RAB3GAP2: variants seen among roughly 807,000 people sequenced by gnomAD.
The protein encoded by RAB3GAP2 is rab3 GTPase-activating protein non-catalytic subunit.
Under a neutral mutation model 185.3 loss-of-function variants are expected in RAB3GAP2, and 87 were observed. That is an observed-to-expected ratio of 0.47 (90% CI 0.39 to 0.56). The LOEUF (loss-of-function observed/expected upper bound fraction) is 0.56, where lower values mean the gene tolerates loss of function less well. Among genes scored for constraint, RAB3GAP2 ranks in the 20% least tolerant of loss-of-function variants. The pLI is 0.00. For missense variants in RAB3GAP2, 1,492 were observed against 1,638.2 expected (o/e 0.91, Z 1.54); for synonymous variants, 554 against 576.1 (o/e 0.96, Z 0.55).
chr1:220,157,693 G>T (rs1657884087), intron 30 of RAB3GAP2, 109 bp downstream of exon 30: 2 of 1,127,882 alleles, frequency 1.8e-6, no homozygotes, highest in South Asian at 1.4e-5. Context: ...ATTTAGAAAT[G>T]AATGAATGAA....
At chr1:220,253,642 C>T in intron 1 of RAB3GAP2, 2 of 1,590,284 alleles carry the variant, frequency 1.3e-6, no homozygotes, top group Non-Finnish European at 1.7e-6. Context: ...TGGGCCTCTT[C>T]TTTATGAAGC....
At chr1:220,219,957 G>A (rs1659273824) in intron 2 of RAB3GAP2, among the ~76,000 whole-genome samples, 2 of 152,132 alleles carry the variant, frequency 1.3e-5, no homozygotes, top group South Asian at 4.1e-4. Context: ...GTGTCATAAG[G>A]GCATTTGCCT....
chr1:220,189,788 A>C, intron 16 of RAB3GAP2, 21 bp from the exon 17 acceptor site: 1 of 1,442,662 alleles, frequency 6.9e-7, no homozygotes, highest in African/African-American at 1.4e-5. Flanking sequence ...AAAAATAATC[A>C]AAGTAAAATT....
Position 220,212,872 on chromosome 1 carries a change from T to G in RAB3GAP2, c.386+15A>C. The G allele has an allele frequency of 6.2e-7, 1 of 1,600,520 alleles. No individual in the cohort carries two copies. The highest frequency in any genetic ancestry group is 8.6e-7 in the Non-Finnish European group (1 of 1,167,804). On this transcript the variant is annotated intron_variant, in intron 4 of 34. Transcript: ENST00000358951. The stretch of plus-strand genomic sequence containing the variant: ...CATGTAACACACAGAGAAACAAAAA[T>G]TAACTGGCACCTACCCTTCTTCGAC...
intron 8 of RAB3GAP2, among the ~76,000 whole-genome samples, 185 bp from the exon 9 acceptor site, chr1:220,202,559 T>G (rs1357395722): frequency 1.3e-5 from 2 of 152,134 alleles, no homozygotes; most frequent in Non-Finnish European, 1.5e-5. Flanking sequence ...TGCAAACATT[T>G]AAAAGACTAA....
At chr1:220,212,732 A>T (rs1301733903) in intron 4 of RAB3GAP2, among the ~76,000 whole-genome samples, 155 bp downstream of exon 4, 1 of 152,162 alleles carries the variant, frequency 6.6e-6, no homozygotes, top group Non-Finnish European at 1.5e-5. Context: ...GGCTCAAATG[A>T]TCTTCCTGCC....
intron 1 of RAB3GAP2, among the ~76,000 whole-genome samples, chr1:220,256,663 T>C (rs1009955879): frequency 1.5e-4 from 23 of 152,296 alleles, no homozygotes; most frequent in African/African-American, 4.6e-4. Context: ...AGAAGGGCAT[T>C]ACATAATGGT....
At chr1:220,162,734 C>T (rs1010113230) in intron 27 of RAB3GAP2, among the ~76,000 whole-genome samples, 5 of 152,150 alleles carry the variant, frequency 3.3e-5, no homozygotes, top group East Asian at 1.9e-4. Flanking sequence ...CTCTATCACC[C>T]GACAATTCTG....
At chr1:220,216,899 A>C (rs1195092476) in intron 2 of RAB3GAP2, among the ~76,000 whole-genome samples, 2 of 151,650 alleles carry the variant, frequency 1.3e-5, no homozygotes, top group South Asian at 2.1e-4. Context: ...TTTTTTTTTC[A>C]ATAAAGAATA....
At chr1:220,177,167 T>G (rs980295678) in intron 21 of RAB3GAP2, among the ~76,000 whole-genome samples, 1 of 152,152 alleles carries the variant, frequency 6.6e-6, no homozygotes, top group Non-Finnish European at 1.5e-5. Context: ...CTCAGTACCC[T>G]CCTTGGGTCT....
intron 8 of RAB3GAP2, among the ~76,000 whole-genome samples, chr1:220,204,490 AT>A (rs1470097919): frequency 1.3e-5 from 2 of 152,100 alleles, no homozygotes. Context: ...CAGCCATTTA[AT>A]TTTTCACCAA....
chr1:220,182,465 G>T, intron 20 of RAB3GAP2, 111 bp from the exon 21 acceptor site: 9 of 1,146,970 alleles, frequency 7.8e-6, no homozygotes, highest in Admixed American at 7.0e-5. Context: ...TATGAAGGAA[G>T]AGAAATTAAT....
Position 220,151,640 on chromosome 1 carries a change from A to C in RAB3GAP2, c.3992T>G (p.Leu1331Arg). The part of the protein sequence containing the change: ...TKEGMELLAR[L>R]PPTLCTWLKA... ...CAGCCAAGTACACAGTGTGGGTGGA[A>C]GTCTGGCAAGCAGCTCCATTCCTTC... Residue 1331 changes from leucine (L) to arginine (R), a missense_variant, in exon 34 of 35, where the codon CTT becomes CGT. Physicochemically the swap from Leu to Arg is moderately radical, Grantham distance 102. Transcript: ENST00000358951. 1.9e-6 allele frequency: 3 copies of C among 1,612,342 alleles called. No homozygotes were observed. Among genetic ancestry groups the C allele is most frequent in the Non-Finnish European group, 2.5e-6 (3 of 1,178,352 alleles).
At chr1:220,252,007 C>T (rs1659941265) in intron 1 of RAB3GAP2, among the ~76,000 whole-genome samples, 1 of 151,868 alleles carries the variant, frequency 6.6e-6, no homozygotes, top group South Asian at 2.1e-4. Context: ...GAAAAAGTAG[C>T]TGGACATGGT....
chr1:220,194,998 C>T, intron 12 of RAB3GAP2, 80 bp downstream of exon 12: 1 of 1,377,006 alleles, frequency 7.3e-7, no homozygotes, highest in Non-Finnish European at 1.0e-6. Flanking sequence ...ATCAGCAAAT[C>T]AACCAAGCAC....
intron 21 of RAB3GAP2, among the ~76,000 whole-genome samples, chr1:220,181,629 T>C (rs1283453935): frequency 6.6e-6 from 1 of 152,196 alleles, no homozygotes; most frequent in African/African-American, 2.4e-5. Flanking sequence ...GTTTTTAAGA[T>C]ATTTTTCATT....
At position 220,151,730 on chromosome 1, in the gene RAB3GAP2, G is replaced by A. The variant is rs1162842669; in HGVS notation, c.3902C>T (p.Ala1301Val). ...CCCCGTGAGCACCAGCAGCTGAGAG[G>A]CAAGGACCTCTTTGTCATGAACCTG... ...ILQVHDKEVLASQLLVLTGQR... is the reference protein window; with the variant it reads ...ILQVHDKEVLVSQLLVLTGQR... Residue 1301 changes from alanine (A) to valine (V), a missense_variant, in exon 34 of 35, where the codon GCC (alanine) becomes GTC (valine). Physicochemically the swap from Ala to Val is moderately conservative, Grantham distance 64. This residue lies in a region of RAB3GAP2 where 387 missense variants were observed against 455.3 expected (regional missense o/e 0.85). Transcript: ENST00000358951. 1 of 1,611,866 alleles carries A rather than the reference G, an allele frequency of 6.2e-7. No individual in the cohort carries two copies. The highest frequency in any genetic ancestry group is 1.3e-5 in the African/African-American group (1 of 74,860).
In RAB3GAP2 at chr1:220,151,233, A is replaced by G; in HGVS notation, c.*18T>C. ...CATGTTATAATCATAATTTTAGACT[A>G]TTTCCAGTAGGTAAGTGTCATAAAG... is the stretch of plus-strand genomic sequence containing the variant. On this transcript the variant is annotated 3_prime_UTR_variant, in exon 35 of 35. Transcript: ENST00000358951. 1 of 1,609,300 alleles carries G rather than the reference A, an allele frequency of 6.2e-7. No homozygotes were observed. The highest frequency in any genetic ancestry group is 8.5e-7 in the Non-Finnish European group (1 of 1,176,092).
At chr1:220,234,248 T>A (rs1238837023) in intron 1 of RAB3GAP2, among the ~76,000 whole-genome samples, 1 of 151,680 alleles carries the variant, frequency 6.6e-6, no homozygotes, top group Non-Finnish European at 1.5e-5. Flanking sequence ...TAAAATATTA[T>A]ATTTAAGCAA....
Sources: allele counts gnomAD v4.1 joint callset (sites outside exome capture counted in the v4.1 genomes callset), GRCh38; gene constraint gnomAD v4.1.1; regional missense constraint gnomAD v4.1.1; transcripts MANE v1.5; gene names NCBI Gene and HGNC (gene_info 2026-07-23, HGNC 2026-07-21).